The following PRKDC variants were observed in gnomAD, a reference collection of about 807,000 sequenced individuals.
The protein encoded by PRKDC is protein kinase, DNA-activated, catalytic subunit.
A neutral mutation model predicts 486.9 loss-of-function variants in PRKDC; 82 were observed. The observed-to-expected ratio is 0.17, with a 90% CI of 0.14 to 0.20. PRKDC has a LOEUF of 0.20. Ranked by LOEUF, PRKDC falls within the 10% of genes least tolerant of loss-of-function variation. The pLI is 1.00. For synonymous variants in PRKDC, 1,895 were observed against 1,837.0 expected (o/e 1.03, Z -0.81); for missense variants, 4,504 against 5,038.2 (o/e 0.89, Z 3.21).
At chr8:47,816,059 C>A (rs2087435245) in intron 68 of PRKDC, among the ~76,000 whole-genome samples, 1 of 152,076 alleles carries the variant, frequency 6.6e-6, no homozygotes, top group South Asian at 2.1e-4. Context: ...ACTAAAAATA[C>A]AAAATTTAGC....
intron 54 of PRKDC, among the ~76,000 whole-genome samples, chr8:47,845,172 G>A (rs2088238337): frequency 6.6e-6 from 1 of 152,082 alleles, no homozygotes; most frequent in Non-Finnish European, 1.5e-5. Flanking sequence ...AGTGAGCCGA[G>A]ATCGCTACCA....
intron 40 of PRKDC, among the ~76,000 whole-genome samples, chr8:47,872,232 T>C (rs553472243): frequency 1.3e-5 from 2 of 152,218 alleles, no homozygotes; most frequent in Non-Finnish European, 2.9e-5. Context: ...TAAAATGAGT[T>C]ATATCATTTG....
At chr8:47,786,510 C>T (rs930961220) in intron 76 of PRKDC, among the ~76,000 whole-genome samples, 2 of 152,106 alleles carry the variant, frequency 1.3e-5, no homozygotes, top group Non-Finnish European at 2.9e-5. Context: ...TCTGTGCACT[C>T]ATTGTCTAGT....
chr8:47,858,800 TGACACCAA>T (rs2088604276), intron 47 of PRKDC, 41 bp downstream of exon 47: 2 of 1,573,274 alleles, frequency 1.3e-6, no homozygotes, highest in Non-Finnish European at 1.7e-6. Flanking sequence ...ATTCTCAGTA[TGACACCAA>T]TGAATATAGT....
At chr8:47,903,538 G>A (rs1246502022) in intron 26 of PRKDC, among the ~76,000 whole-genome samples, 1 of 152,150 alleles carries the variant, frequency 6.6e-6, no homozygotes, top group Admixed American at 6.5e-5. Flanking sequence ...TGGGAGGAGA[G>A]GGTGCTTCCT....
rs376139095 is a variant in PRKDC, at chr8:47,933,098, A to T, written c.1698T>A (p.Asp566Glu). 9.5e-6 allele frequency: 15 copies of T among 1,582,632 alleles called. No individual in the cohort carries two copies. The highest frequency in any genetic ancestry group is 2.7e-5 in the African/African-American group (2 of 74,096). Residue 566 changes from aspartate (D) to glutamate (E), a missense_variant, in exon 16 of 86, where the codon GAT becomes GAA. Coordinates refer to ENST00000314191, the MANE Select transcript of PRKDC (RefSeq NM_006904.7). ...TCTTCAAAACGGATTTTACAAATTC[A>T]TCATAAAGTAAATGATTCAGACTTT... ...SSESLNHLLY[D>E]EFVKSVLKIV...
At chr8:47,930,054 A>G in intron 17 of PRKDC, 42 bp from the exon 18 acceptor site, 1 of 1,535,284 alleles carries the variant, frequency 6.5e-7, no homozygotes, top group Non-Finnish European at 8.9e-7. Context: ...AATTTGTATC[A>G]TTCTGATCTT....
At chr8:47,774,432 C>A in intron 85 of PRKDC, 55 bp from the exon 86 acceptor site, 1 of 1,522,672 alleles carries the variant, frequency 6.6e-7, no homozygotes, top group Non-Finnish European at 9.0e-7. Context: ...TCCTTTGTTG[C>A]CTGCATCCCT....
At chr8:47,778,706 G>A in intron 82 of PRKDC, 22 bp downstream of exon 82, 1 of 1,613,554 alleles carries the variant, frequency 6.2e-7, no homozygotes, top group Admixed American at 1.7e-5. Flanking sequence ...CCCACTAAGG[G>A]TGAGGGCAGA....
intron 10 of PRKDC, chr8:47,939,898 G>T: frequency 1.9e-5 from 4 of 215,784 alleles, no homozygotes; most frequent in East Asian, 9.3e-5. Flanking sequence ...AAGGCTATGT[G>T]ATACATTTTT....
intron 76 of PRKDC, 136 bp from the exon 77 acceptor site, chr8:47,785,453 G>T (rs2086774801): frequency 9.3e-6 from 7 of 752,612 alleles, no homozygotes; most frequent in Non-Finnish European, 1.5e-5. Flanking sequence ...TATAGTTTTG[G>T]TTGGGCATGG....
chr8:47,874,479 C>T (rs1342464290), intron 40 of PRKDC, among the ~76,000 whole-genome samples: 2 of 152,134 alleles, frequency 1.3e-5, no homozygotes, highest in African/African-American at 2.4e-5. Flanking sequence ...ATATCTGGGC[C>T]GAGCACTGTG....
Position 47,854,143 on chromosome 8 carries a change from C to T in PRKDC, c.6833G>A (p.Gly2278Asp), listed in dbSNP as rs749951715. ...AGGCAGGTCATTGGCCATCACGATG[C>T]CTAGCAATTGAATCCCTACTGAGTT... ...KDNSVGIQLL[G>D]IVMANDLPPY... Residue 2278 changes from glycine (G) to aspartate (D), a missense_variant, in exon 51 of 86, where the codon GGC (glycine) becomes GAC (aspartate). Coordinates refer to ENST00000314191, the MANE Select transcript of PRKDC (RefSeq NM_006904.7). 16 of 1,613,838 alleles carry T rather than the reference C, an allele frequency of 9.9e-6. No homozygotes were observed. Among genetic ancestry groups the T allele is most frequent in the Non-Finnish European group, 1.3e-5 (15 of 1,179,756 alleles).
chr8:47,786,717 T>C (rs1272472386), intron 76 of PRKDC, among the ~76,000 whole-genome samples: 2 of 139,874 alleles, frequency 1.4e-5, no homozygotes, highest in African/African-American at 5.2e-5. Flanking sequence ...AAAAATATTA[T>C]TTAATCTTTT....
At chr8:47,777,988 C>T (rs2086634892) in intron 83 of PRKDC, 114 bp from the exon 84 acceptor site, 3 of 982,370 alleles carry the variant, frequency 3.1e-6, no homozygotes, top group Non-Finnish European at 4.6e-6. Context: ...AAAATACAGA[C>T]TCTGCTTCCC....
rs560447607 is a variant in PRKDC at position 47,854,193 on chromosome 8, G to A, written c.6783C>T (p.Ser2261=). ...IPYRLIFEKF[S]GKDPNSKDNS... is the part of the protein sequence containing the mutation. ...TGTCTTTAGAATTAGGATCTTTACC[G>A]GAAAACTTTTCAAATATTAACCTGA... The change falls in exon 51 of 86, where the codon TCC becomes TCT. Residue 2261 remains serine (S), a synonymous_variant. Coordinates refer to ENST00000314191, the MANE Select transcript of PRKDC (RefSeq NM_006904.7). 18 of 1,613,444 alleles carry A rather than the reference G, an allele frequency of 1.1e-5. No homozygotes were observed. Among genetic ancestry groups the A allele is most frequent in the South Asian group, 3.3e-5 (3 of 91,074 alleles).
At chr8:47,819,366 T>C in intron 67 of PRKDC, 36 bp downstream of exon 67, 1 of 1,312,652 alleles carries the variant, frequency 7.6e-7, no homozygotes, top group Admixed American at 2.5e-5. Flanking sequence ...CTTCCACAAT[T>C]AGAAATGAAA....
At position 47,864,740 on chromosome 8, in the gene PRKDC, C is replaced by A. The variant is rs772771129; in HGVS notation, c.5387G>T (p.Gly1796Val). ...ARRGSCVTQVGLLESVYEMFR... is the reference protein window; with the variant it reads ...ARRGSCVTQVVLLESVYEMFR... ...CATTTCATACACGCTTTCCAGAAGG[C>A]CTACTTGTGTGACACATGAACCCCT... Residue 1796 changes from glycine (G) to valine (V), a missense_variant, in exon 41 of 86, where the codon GGC becomes GTC. Around this residue, in one of 6 missense-constraint regions of PRKDC, gnomAD observed 1,969 missense variants for 2,068.9 expected, o/e 0.95. Coordinates refer to ENST00000314191, the MANE Select transcript of PRKDC (RefSeq NM_006904.7). 3.1e-6 allele frequency: 5 copies of A among 1,597,540 alleles called. No homozygotes were observed. In the East Asian group the frequency reaches 1.1e-4, roughly 36 times the overall value.
At chr8:47,914,670 G>C (rs1225091594) in intron 23 of PRKDC, among the ~76,000 whole-genome samples, 1 of 152,056 alleles carries the variant, frequency 6.6e-6, no homozygotes, top group East Asian at 1.9e-4. Flanking sequence ...GCATGGTGGC[G>C]TCTGTCTGTA....
Sources: allele counts gnomAD v4.1 joint callset (sites outside exome capture counted in the v4.1 genomes callset), GRCh38; gene constraint gnomAD v4.1.1; regional missense constraint gnomAD v4.1.1; transcripts MANE v1.5; gene names NCBI Gene and HGNC (gene_info 2026-07-23, HGNC 2026-07-21).